The following GPHN variants were observed in gnomAD, a reference collection of about 807,000 sequenced individuals.
GPHN encodes the protein gephyrin.
Under a neutral mutation model 95.5 loss-of-function variants are expected in GPHN, and 17 were observed. The ratio of observed to expected loss-of-function variants is 0.18; its 90% confidence interval spans 0.12 to 0.27. The LOEUF is 0.27. Ranked by LOEUF, GPHN falls within the 10% of genes least tolerant of loss-of-function variation. The pLI is 1.00. For synonymous variants in GPHN, 320 were observed against 322.5 expected (o/e 0.99, Z 0.08); for missense variants, 660 against 978.1 (o/e 0.67, Z 4.34).
chr14:67,679,554 C>A, the GPHN span, among the ~76,000 whole-genome samples: 1 of 152,154 alleles, frequency 6.6e-6, no homozygotes, highest in Non-Finnish European at 1.5e-5. Flanking sequence ...TAGGCGCCTG[C>A]CACCATGACT....
At chr14:66,839,112 G>C (rs1268237144) in intron 4 of GPHN, among the ~76,000 whole-genome samples, 2 of 152,298 alleles carry the variant, frequency 1.3e-5, no homozygotes, top group Non-Finnish European at 1.5e-5. Flanking sequence ...ACATAGATGA[G>C]AATTAGCAGA....
the GPHN span, among the ~76,000 whole-genome samples, chr14:67,673,669 C>G: frequency 6.6e-6 from 1 of 152,216 alleles, no homozygotes; most frequent in Non-Finnish European, 1.5e-5. Context: ...CAAGCTCTGA[C>G]TCTTAAATAA....
At chr14:67,671,927 C>G in the GPHN span, among the ~76,000 whole-genome samples, 1 of 152,208 alleles carries the variant, frequency 6.6e-6, no homozygotes, top group African/African-American at 2.4e-5. Context: ...CTAATCATTT[C>G]TTATGGGTCC....
At chr14:67,479,079 T>C in the GPHN span, among the ~76,000 whole-genome samples, 11 of 152,328 alleles carry the variant, frequency 7.2e-5, no homozygotes, top group African/African-American at 2.6e-4. Context: ...CTAACAAGCA[T>C]GTATAACTTT....
chr14:67,546,844 C>G, the GPHN span, among the ~76,000 whole-genome samples: 1 of 152,166 alleles, frequency 6.6e-6, no homozygotes, highest in Admixed American at 6.5e-5. Context: ...GCCTGGGTGA[C>G]ACAGCAAAAT....
chr14:66,966,508 C>T (rs1452826349), intron 9 of GPHN, among the ~76,000 whole-genome samples: 1 of 151,876 alleles, frequency 6.6e-6, no homozygotes, highest in African/African-American at 2.4e-5. Flanking sequence ...CATTTGGGTG[C>T]CAGTAAGCTA....
At chr14:66,816,431 A>T (rs1164179549) in intron 3 of GPHN, among the ~76,000 whole-genome samples, 1 of 152,180 alleles carries the variant, frequency 6.6e-6, no homozygotes, top group East Asian at 1.9e-4. Context: ...AATACAAAAG[A>T]ACTGAAATCA....
the GPHN span, among the ~76,000 whole-genome samples, chr14:67,487,789 T>G: frequency 1.3e-5 from 2 of 151,984 alleles, no homozygotes; most frequent in Non-Finnish European, 2.9e-5. Context: ...CCCTTTGCCA[T>G]GTACTTTAAA....
chr14:66,666,903 A>G (rs937793054), intron 1 of GPHN, among the ~76,000 whole-genome samples: 5 of 152,218 alleles, frequency 3.3e-5, no homozygotes, highest in Admixed American at 3.3e-4. Context: ...GTCTCAGCCC[A>G]AAAGCTTCTT....
the GPHN span, chr14:67,645,894 T>C: frequency 2.1e-6 from 3 of 1,439,916 alleles, no homozygotes; most frequent in Non-Finnish European, 2.8e-6. Flanking sequence ...GAAGGGTGGG[T>C]TGAGTGTGGA....
chr14:66,841,365 ATGCCACCCTTAGTGT>A (rs981117144), intron 4 of GPHN, among the ~76,000 whole-genome samples: 2 of 152,186 alleles, frequency 1.3e-5, no homozygotes, highest in African/African-American at 2.4e-5. Flanking sequence ...TGGAACCTGT[ATGCCACCCTTAGTGT>A]AACAGAGTAG....
At chr14:67,345,788 C>T in the GPHN span, 1 of 1,613,718 alleles carries the variant, frequency 6.2e-7, no homozygotes, top group Non-Finnish European at 8.5e-7. Flanking sequence ...GCTAGTTCCA[C>T]CAGTAGTTCC....
At chr14:66,806,275 G>C (rs747429899) in intron 3 of GPHN, among the ~76,000 whole-genome samples, 1 of 152,054 alleles carries the variant, frequency 6.6e-6, no homozygotes, top group Non-Finnish European at 1.5e-5. Context: ...CCCTGGTCCC[G>C]GCCCATAAAA....
chr14:67,242,001 T>C, the GPHN span: 1 of 152,230 alleles, frequency 6.6e-6, no homozygotes, highest in Non-Finnish European at 1.5e-5. Flanking sequence ...CTGCTGCTCA[T>C]TGCGTTCTTA....
chr14:67,645,593 G>T, the GPHN span: 1 of 1,581,978 alleles, frequency 6.3e-7, no homozygotes, highest in Admixed American at 1.8e-5. Flanking sequence ...TTTGTTATCG[G>T]TCATGTTTGC....
chr14:66,837,792 C>T (rs918619185), intron 4 of GPHN, among the ~76,000 whole-genome samples: 1 of 151,640 alleles, frequency 6.6e-6, no homozygotes, highest in Non-Finnish European at 1.5e-5. Flanking sequence ...GAAGAACCCA[C>T]AAATAAAAAT....
chr14:67,526,038 T>C, the GPHN span, among the ~76,000 whole-genome samples: 3 of 152,182 alleles, frequency 2.0e-5, no homozygotes, highest in Non-Finnish European at 4.4e-5. Flanking sequence ...TCACCAACCT[T>C]ATATATGAGA....
chr14:66,975,107 C>T (rs1472682813), intron 9 of GPHN, among the ~76,000 whole-genome samples: 1 of 152,050 alleles, frequency 6.6e-6, no homozygotes, highest in African/African-American at 2.4e-5. Flanking sequence ...TCATGAACAT[C>T]TTTATATGTT....
the GPHN span, among the ~76,000 whole-genome samples, chr14:67,670,821 C>A: frequency 1.3e-5 from 2 of 152,154 alleles, no homozygotes; most frequent in African/African-American, 4.8e-5. Context: ...CCACCGTGCC[C>A]GGCCGTTTGT....
Sources: gnomAD v4.1 joint callset for allele counts (sites outside exome capture counted in the v4.1 genomes callset) on GRCh38, gnomAD v4.1.1 for gene constraint, MANE v1.5 for transcripts, NCBI Gene and HGNC (gene_info 2026-07-23, HGNC 2026-07-21) for gene names.